Variants in AMPD3 observed in about 807,000 individuals in gnomAD.
AMPD3 encodes adenosine monophosphate deaminase 3, also known as AMP deaminase 3.
In AMPD3, 57 loss-of-function variants were observed where a neutral mutation model predicts 82.3. The ratio of observed to expected loss-of-function variants is 0.69; its 90% CI spans 0.56 to 0.86. The LOEUF (loss-of-function observed/expected upper bound fraction) is 0.86, where lower values mean the gene tolerates loss of function less well. Ranked by LOEUF, AMPD3 falls within the 40% of genes least tolerant of loss-of-function variation. The pLI is 0.00. For synonymous variants in AMPD3, 381 were observed against 394.7 expected (o/e 0.97, Z 0.41); for missense variants, 870 against 1,003.8 (o/e 0.87, Z 1.80).
At chr11:10,499,208 C>T (rs575684268) in intron 10 of AMPD3, 1 of 152,902 alleles carries the variant, frequency 6.5e-6, no homozygotes, top group Non-Finnish European at 1.5e-5. Context: ...AGCCCAGAAC[C>T]TGTTTTTTTT....
chr11:10,482,250 G>T (rs899958277), intron 4 of AMPD3, 25 bp downstream of exon 4: 2 of 1,609,478 alleles, frequency 1.2e-6, no homozygotes, highest in Non-Finnish European at 1.7e-6. Flanking sequence ...CTGGAGGTTG[G>T]GTCCCAAGTG....
At chr11:10,467,748 T>A (rs1352774962) in intron 2 of AMPD3, among the ~76,000 whole-genome samples, 2 of 151,714 alleles carry the variant, frequency 1.3e-5, no homozygotes, top group Non-Finnish European at 1.5e-5. Context: ...AAGGAAAAAA[T>A]GTTAAGGGCA....
At chr11:10,496,483 A>G in intron 9 of AMPD3, 10 of 985,404 alleles carry the variant, frequency 1.0e-5, no homozygotes, top group Non-Finnish European at 1.2e-5. Flanking sequence ...GAGCTGAGTA[A>G]CAGAATGTTT....
Position 10,488,309 on chromosome 11 carries a change from C to G in AMPD3, c.939+945C>G. The G allele has an allele frequency of 7.1e-6, 7 of 985,452 alleles. No individual in the cohort carries two copies. In the South Asian group the frequency reaches 3.3e-4, roughly 46 times the overall value. 61.0% of individuals were successfully genotyped at this position (985,452 alleles called of 1,614,324 possible). ...GGTGTTTGATGGTGAGCAAGAGTCA[C>G]TTCCTGTCAACCAGGTGGCTTTGAG... is the stretch of plus-strand genomic sequence containing the variant. On this transcript the variant is annotated intron_variant, in intron 6 of 14. Transcript: ENST00000396553.
chr11:10,472,673 T>A (rs958286149), intron 2 of AMPD3, among the ~76,000 whole-genome samples: 1 of 152,112 alleles, frequency 6.6e-6, no homozygotes, highest in Non-Finnish European at 1.5e-5. Context: ...ACAAAGGAGC[T>A]TCATTTGAAA....
intron 2 of AMPD3, among the ~76,000 whole-genome samples, chr11:10,475,792 G>A (rs941782947): frequency 6.6e-6 from 1 of 152,174 alleles, no homozygotes; most frequent in African/African-American, 2.4e-5. Context: ...TATGTGCAGG[G>A]ATTGGAGTGA....
At chr11:10,455,654 CT>C (rs1228682571) in intron 1 of AMPD3, among the ~76,000 whole-genome samples, 1 of 152,144 alleles carries the variant, frequency 6.6e-6, no homozygotes, top group Admixed American at 6.5e-5. Flanking sequence ...CTCTGTCCGC[CT>C]CTGTGCTGAG....
chr11:10,458,079 T>C (rs773642753), intron 1 of AMPD3, among the ~76,000 whole-genome samples: 18 of 151,908 alleles, frequency 1.2e-4, no homozygotes, highest in Non-Finnish European at 2.5e-4. Context: ...CTGCTGGTGG[T>C]GGATGGCTTC....
At position 10,505,827 on chromosome 11, in the gene AMPD3, G is replaced by A. The variant is rs80141201; in HGVS notation, c.2247G>A (p.Glu749=). The A allele has an allele frequency of 9.9e-4, 1,590 of 1,614,186 alleles. 12 individuals are homozygous for A. The African/African-American group carries it at 0.019, about 19-fold the overall frequency. The change falls in exon 15 of 15, where the codon GAG becomes GAA. Residue 749 remains glutamate (E), a synonymous_variant. Transcript: ENST00000396553. ...TCCGATATGAGACCTTATGCAATGA[G>A]CTCAGCTTCCTGTCTGATGCTATGA... is the stretch of plus-strand genomic sequence containing the variant. The part of the protein sequence containing the change: ...MAFRYETLCN[E]LSFLSDAMKS...
intron 10 of AMPD3, 164 bp from the exon 11 acceptor site, chr11:10,499,897 TTGGTGTTGTACCCACTTTTCATCCC>T (rs1849527026): frequency 1.0e-6 from 1 of 984,866 alleles, no homozygotes; most frequent in African/African-American, 1.7e-5. Context: ...GGGGCAGACC[TTGGTGTTGTACCCACTTTTCATCCC>T]TGGGAGGAAT....
intron 2 of AMPD3, among the ~76,000 whole-genome samples, chr11:10,477,727 G>A (rs902988180): frequency 6.6e-6 from 1 of 152,160 alleles, no homozygotes; most frequent in South Asian, 2.1e-4. Context: ...GATGGTACAC[G>A]GCGGGCTAGA....
intron 10 of AMPD3, among the ~76,000 whole-genome samples, chr11:10,497,316 C>T (rs1357568544): frequency 6.6e-6 from 1 of 152,008 alleles, no homozygotes; most frequent in African/African-American, 2.4e-5. Context: ...AATGCAAACA[C>T]TTCAATTCAC....
intron 1 of AMPD3, among the ~76,000 whole-genome samples, chr11:10,459,662 G>A (rs919876064): frequency 2.6e-5 from 4 of 152,170 alleles, no homozygotes; most frequent in East Asian, 3.9e-4. Context: ...TTCCAGAGCT[G>A]CTCCCAACGA....
rs371920243 is a variant in AMPD3 at position 10,456,350 on chromosome 11, C to T, written c.-6+902C>T. The T allele has an allele frequency of 2.4e-5, 38 of 1,613,328 alleles. No individual in the cohort carries two copies. The highest frequency in any genetic ancestry group is 4.5e-5 in the East Asian group (2 of 44,886). The stretch of plus-strand genomic sequence containing the variant: ...CCTGGGTGGCAGGCAGCACCTCACC[C>T]GGGTGCATCACTTGAGTGGCATCTT... On this transcript the variant is annotated intron_variant, in intron 1 of 14. Coordinates refer to ENST00000396553, the MANE Select transcript of AMPD3 (RefSeq NM_001025389.2). The surrounding 1 kb of genome is among the most constrained non-coding windows in gnomAD (Gnocchi z 4.3).
chr11:10,455,349 C>T lies in AMPD3; in HGVS notation c.-105C>T, dbSNP rs1848061980. 1 of 985,334 alleles carries T rather than the reference C, an allele frequency of 1.0e-6. No individual in the cohort carries two copies. Among genetic ancestry groups the T allele is most frequent in the African/African-American group, 1.7e-5 (1 of 57,226 alleles). The allele number at this position is 985,334 out of a possible 1,614,324, so 61.0% of individuals were successfully genotyped here. Reference sequence around the variant, plus strand: ...CCCTGCTTGGTTTTAGAGGATTGCTCCTGTGGGTCACTTGAGGCAGGCTCC... The same window carrying T: ...CCCTGCTTGGTTTTAGAGGATTGCTTCTGTGGGTCACTTGAGGCAGGCTCC... On this transcript the variant is annotated 5_prime_UTR_variant, in exon 1 of 15. Transcript: ENST00000396553.
upstream of AMPD3, chr11:10,451,115 G>A (rs1203394772): frequency 2.6e-6 from 4 of 1,537,580 alleles, no homozygotes; most frequent in Admixed American, 3.9e-5. Context: ...GCGGGAATCA[G>A]CAGCGCCCTG....
At chr11:10,461,138 T>G in intron 1 of AMPD3, 1 of 1,198,934 alleles carries the variant, frequency 8.3e-7, no homozygotes, top group Non-Finnish European at 1.1e-6. Context: ...AACAGTATCC[T>G]CATAGTCTGG....
At chr11:10,473,571 A>C (rs915241644) in intron 2 of AMPD3, 2 of 985,276 alleles carry the variant, frequency 2.0e-6, no homozygotes, top group African/African-American at 3.5e-5. Context: ...AAGTGTTAGA[A>C]TCAAAGTTAC....
In AMPD3 at chr11:10,456,484, A is replaced by G; in HGVS notation, c.-6+1036A>G. On this transcript the variant is annotated intron_variant, in intron 1 of 14. Transcript: ENST00000396553. The surrounding 1 kb of genome is among the most constrained non-coding windows in gnomAD (Gnocchi z 4.3). The stretch of plus-strand genomic sequence containing the variant: ...CGTATAACGAGGGGATTTCAGTGGC[A>G]CTGGGCTTCCTTTCTGGAGGGACTG... The G allele has an allele frequency of 6.2e-7, 1 of 1,613,570 alleles. No homozygotes were observed. Among genetic ancestry groups the G allele is most frequent in the Non-Finnish European group, 8.5e-7 (1 of 1,179,572 alleles).
Sources: allele counts gnomAD v4.1 joint callset (sites outside exome capture counted in the v4.1 genomes callset), GRCh38; gene constraint gnomAD v4.1.1; non-coding constraint Gnocchi (gnomAD v3.1); transcripts MANE v1.5; gene names NCBI Gene and HGNC (gene_info 2026-07-23, HGNC 2026-07-21).